The following RMDN2 variants were observed in gnomAD, a reference collection of about 807,000 sequenced individuals.
RMDN2 encodes regulator of microtubule dynamics protein 2.
Under a neutral mutation model 52.8 loss-of-function variants are expected in RMDN2, and 61 were observed. The ratio of observed to expected loss-of-function variants is 1.16; its 90% CI spans 0.94 to 1.43. The LOEUF (loss-of-function observed/expected upper bound fraction) is 1.43. Ranked by LOEUF, RMDN2 falls within the 40% of genes most tolerant of loss-of-function variation. The pLI, the probability that RMDN2 is intolerant of heterozygous loss-of-function variation, is 0.00. For synonymous variants in RMDN2, 180 were observed against 153.1 expected, an observed-to-expected ratio of 1.18 and a Z score of -1.30; for missense variants, 592 against 475.3, an observed-to-expected ratio of 1.25 and a Z score of -2.28.
intron 10 of RMDN2, among the ~76,000 whole-genome samples, chr2:38,042,932 G>C (rs780917477): frequency 6.6e-6 from 1 of 152,122 alleles, no homozygotes; most frequent in Non-Finnish European, 1.5e-5. Flanking sequence ...GTCTCTCTCA[G>C]TGAATGTTCC....
intron 5 of RMDN2, among the ~76,000 whole-genome samples, chr2:37,984,357 A>G (rs1375919595): frequency 6.6e-6 from 1 of 152,164 alleles, no homozygotes; most frequent in African/African-American, 2.4e-5. Context: ...TGTCTTACAT[A>G]TTGGTTGTGC....
intron 7 of RMDN2, among the ~76,000 whole-genome samples, chr2:37,996,588 CAAAAAAAAAAAAGAAAA>C (rs1351901038): frequency 0.011 from 1,173 of 110,050 alleles, 9 homozygotes; most frequent in Middle Eastern, 0.018. Flanking sequence ...GAGACATTGC[CAAAAAAAAAAAAGAAAA>C]AAAAAAAAAA....
chr2:37,922,342 A>G (rs985568320), upstream of RMDN2, among the ~76,000 whole-genome samples: 11 of 152,122 alleles, frequency 7.2e-5, no homozygotes, highest in Non-Finnish European at 1.3e-4. Flanking sequence ...ACTATATAGC[A>G]TATTGGTAAC....
intron 2 of RMDN2, among the ~76,000 whole-genome samples, chr2:37,964,003 C>A (rs571321358): frequency 2.8e-4 from 43 of 151,376 alleles, no homozygotes; most frequent in African/African-American, 1.0e-3. Context: ...CCCCCACCTC[C>A]CTCCCGGACG....
At chr2:38,066,896 C>G (rs141009822) in intron 10 of RMDN2, 3 of 1,255,358 alleles carry the variant, frequency 2.4e-6, no homozygotes, top group Middle Eastern at 2.3e-4. Context: ...GCCATACCTT[C>G]TGGCTGCTAA....
chr2:37,929,305 A>G lies in RMDN2; in HGVS notation c.28A>G (p.Ile10Val). The change falls in exon 2 of 11, where the codon ATA becomes GTA. Residue 10 changes from isoleucine to valine, a missense_variant. Transcript: ENST00000354545. ...GCCTTATTCCACAAACAAAGAGTTG[A>G]TACTTGGCATCATGGTGGGCACTGC... MPYSTNKEL[I>V]LGIMVGTAGI... 2.6e-6 allele frequency: 4 copies of G among 1,543,910 alleles called. No homozygotes were observed. Among genetic ancestry groups the G allele is most frequent in the Non-Finnish European group, 3.5e-6 (4 of 1,143,424 alleles).
chr2:37,949,817 T>C (rs984226272), intron 2 of RMDN2: 7 of 153,268 alleles, frequency 4.6e-5, no homozygotes, highest in Non-Finnish European at 8.7e-5. Context: ...ATACCTGTTA[T>C]GGGGACAATA....
chr2:38,014,415 T>C (rs915272701), intron 10 of RMDN2, among the ~76,000 whole-genome samples: 1 of 152,216 alleles, frequency 6.6e-6, no homozygotes, highest in African/African-American at 2.4e-5. Flanking sequence ...CTTGGTTGTA[T>C]TGTTTAAATT....
At chr2:37,991,446 A>G (rs1235706139) in intron 7 of RMDN2, 149 bp downstream of exon 7, 3 of 316,670 alleles carry the variant, frequency 9.5e-6, no homozygotes, top group South Asian at 1.5e-4. Flanking sequence ...TGTATAATAT[A>G]TATGTTAAAA....
At chr2:38,045,007 T>A (rs918296083) in intron 10 of RMDN2, among the ~76,000 whole-genome samples, 3 of 151,994 alleles carry the variant, frequency 2.0e-5, no homozygotes, top group Non-Finnish European at 4.4e-5. Flanking sequence ...TCTAGATATT[T>A]TTTTTTTCTG....
chr2:37,922,664 G>T (rs377250275), upstream of RMDN2, among the ~76,000 whole-genome samples: 87 of 152,216 alleles, frequency 5.7e-4, no homozygotes, highest in African/African-American at 1.9e-3. Context: ...AGAGAGGTTT[G>T]CTGTAAGCTA....
chr2:37,938,182 T>C (rs2084167), intron 2 of RMDN2, among the ~76,000 whole-genome samples: 79,715 of 152,046 alleles, frequency 0.52, 22,800 homozygotes, highest in East Asian at 0.76. Context: ...GTTCTGTTTA[T>C]GTGATGGATT....
intron 4 of RMDN2, among the ~76,000 whole-genome samples, chr2:37,975,783 T>C (rs1207126306): frequency 6.6e-6 from 1 of 152,230 alleles, no homozygotes; most frequent in Non-Finnish European, 1.5e-5. Context: ...GTTTAATCTA[T>C]TTTAATATAT....
intron 1 of RMDN2, among the ~76,000 whole-genome samples, chr2:37,926,901 A>G (rs1464969479): frequency 3.3e-5 from 5 of 151,848 alleles, no homozygotes; most frequent in African/African-American, 9.7e-5. Flanking sequence ...GTACCACTGC[A>G]CTCCAGCCTA....
intron 2 of RMDN2, among the ~76,000 whole-genome samples, chr2:37,956,607 A>G (rs1485366830): frequency 3.3e-5 from 5 of 150,426 alleles, no homozygotes; most frequent in Middle Eastern, 6.4e-3. Flanking sequence ...GTTTCTTAAT[A>G]TTTCGATTTA....
intron 5 of RMDN2, among the ~76,000 whole-genome samples, chr2:37,984,555 ATTC>A (rs1347517927): frequency 1.3e-5 from 2 of 152,190 alleles, no homozygotes; most frequent in Non-Finnish European, 2.9e-5. Context: ...CCAGTTTTGT[ATTC>A]TTATATGCCT....
intron 2 of RMDN2, among the ~76,000 whole-genome samples, chr2:37,960,081 A>C (rs1481112340): frequency 1.3e-5 from 2 of 152,114 alleles, no homozygotes; most frequent in Non-Finnish European, 2.9e-5. Context: ...CAGTTTTTGA[A>C]TATGTGCTAT....
chr2:37,937,301 C>G (rs572260044), intron 2 of RMDN2, among the ~76,000 whole-genome samples: 1 of 151,396 alleles, frequency 6.6e-6, no homozygotes, highest in African/African-American at 2.4e-5. Context: ...GTTTTGGTTA[C>G]TGTAGTATAG....
chr2:37,922,165 A>T (rs1258472324), upstream of RMDN2, among the ~76,000 whole-genome samples: 1 of 152,182 alleles, frequency 6.6e-6, no homozygotes, highest in East Asian at 1.9e-4. Context: ...TCTTAAAACC[A>T]GCCTGGAAAT....
Sources: allele counts gnomAD v4.1 joint callset (sites outside exome capture counted in the v4.1 genomes callset), GRCh38; gene constraint gnomAD v4.1.1; transcripts MANE v1.5; gene names NCBI Gene and HGNC (gene_info 2026-07-23, HGNC 2026-07-21).